Variants in NKAIN2 observed in about 807,000 individuals in gnomAD.
NKAIN2 encodes sodium/potassium transporting ATPase interacting 2.
In NKAIN2, 14 loss-of-function variants were observed where a neutral mutation model predicts 32.6. The ratio of observed to expected loss-of-function variants is 0.43; its 90% confidence interval spans 0.28 to 0.67. The LOEUF is 0.67. NKAIN2 is among the 30% of genes least tolerant of loss of function. The pLI is 0.17. For synonymous variants in NKAIN2, 80 were observed against 87.2 expected (o/e 0.92, Z 0.46); for missense variants, 198 against 258.3 (o/e 0.77, Z 1.60).
chr6:124,737,301 C>T (rs1014961565), intron 4 of NKAIN2, among the ~76,000 whole-genome samples: 2 of 151,840 alleles, frequency 1.3e-5, no homozygotes, highest in African/African-American at 4.8e-5. Context: ...TGAGTTCTCA[C>T]AAGATTTGAT....
chr6:124,454,106 T>TTTGG (rs1491320529), intron 3 of NKAIN2, among the ~76,000 whole-genome samples: 10 of 60,718 alleles, frequency 1.6e-4, no homozygotes, highest in African/African-American at 2.7e-4. Flanking sequence ...GTTTTTTTTT[T>TTTGG]GGGGGGGGGG....
At chr6:124,515,511 G>A (rs953024080) in intron 3 of NKAIN2, among the ~76,000 whole-genome samples, 4 of 151,774 alleles carry the variant, frequency 2.6e-5, no homozygotes, top group Non-Finnish European at 5.9e-5. Context: ...ACCAACTCTC[G>A]GATGATTCAT....
intron 4 of NKAIN2, among the ~76,000 whole-genome samples, chr6:124,696,698 G>T (rs1433641147): frequency 1.3e-5 from 2 of 151,172 alleles, no homozygotes; most frequent in Non-Finnish European, 2.9e-5. Context: ...GTCTTCTTGA[G>T]AATCAAACCC....
At chr6:123,821,309 C>A (rs1329426092) in intron 1 of NKAIN2, among the ~76,000 whole-genome samples, 1 of 152,130 alleles carries the variant, frequency 6.6e-6, no homozygotes, top group Non-Finnish European at 1.5e-5. Context: ...TTAGATCAGG[C>A]ATCTTATTTT....
At chr6:124,195,715 C>T (rs1790281878) in intron 1 of NKAIN2, among the ~76,000 whole-genome samples, 2 of 152,078 alleles carry the variant, frequency 1.3e-5, no homozygotes, top group Non-Finnish European at 1.5e-5. Context: ...TCCATGATCT[C>T]AAAAAGCTGT....
chr6:124,500,927 T>C (rs1239419746), intron 3 of NKAIN2, among the ~76,000 whole-genome samples: 1 of 151,996 alleles, frequency 6.6e-6, no homozygotes, highest in Non-Finnish European at 1.5e-5. Flanking sequence ...GAGGTTGAAT[T>C]TGAGTATGCC....
At chr6:124,152,718 T>C (rs1461981438) in intron 1 of NKAIN2, among the ~76,000 whole-genome samples, 1 of 151,934 alleles carries the variant, frequency 6.6e-6, no homozygotes, top group East Asian at 1.9e-4. Flanking sequence ...ACTCTTGTGT[T>C]TGAGTACTTC....
At chr6:123,937,387 C>A (rs1397606821) in intron 1 of NKAIN2, among the ~76,000 whole-genome samples, 1 of 152,006 alleles carries the variant, frequency 6.6e-6, no homozygotes, top group Non-Finnish European at 1.5e-5. Flanking sequence ...TATCTCTATG[C>A]CAAGTACAGT....
intron 1 of NKAIN2, among the ~76,000 whole-genome samples, chr6:124,259,895 A>G (rs755183465): frequency 6.6e-6 from 1 of 152,174 alleles, no homozygotes; most frequent in Non-Finnish European, 1.5e-5. Context: ...TCTGTGAATA[A>G]GACACTCTAA....
intron 3 of NKAIN2, among the ~76,000 whole-genome samples, chr6:124,503,657 A>T (rs1359086144): frequency 2.0e-5 from 3 of 152,132 alleles, no homozygotes; most frequent in Non-Finnish European, 4.4e-5. Context: ...CAATAGGCAG[A>T]TATTTACCAA....
At chr6:124,699,042 A>G (rs1257250407) in intron 4 of NKAIN2, among the ~76,000 whole-genome samples, 1 of 152,186 alleles carries the variant, frequency 6.6e-6, no homozygotes, top group Non-Finnish European at 1.5e-5. Context: ...TGTCTATAAA[A>G]TGAGATTGCA....
At chr6:124,543,525 C>G (rs1028772081) in intron 3 of NKAIN2, among the ~76,000 whole-genome samples, 3 of 152,010 alleles carry the variant, frequency 2.0e-5, no homozygotes, top group Admixed American at 6.6e-5. Context: ...TTACCATTGA[C>G]TAGTGTTAAA....
At chr6:123,943,419 G>T (rs1776914378) in intron 1 of NKAIN2, among the ~76,000 whole-genome samples, 1 of 152,000 alleles carries the variant, frequency 6.6e-6, no homozygotes, top group African/African-American at 2.4e-5. Context: ...GCAAAGATAT[G>T]ATAAAATCAT....
At chr6:124,336,474 G>A (rs762000100) in intron 2 of NKAIN2, among the ~76,000 whole-genome samples, 2 of 152,084 alleles carry the variant, frequency 1.3e-5, no homozygotes, top group Non-Finnish European at 2.9e-5. Flanking sequence ...TGTCTAATGT[G>A]TTACTTTGTG....
intron 1 of NKAIN2, among the ~76,000 whole-genome samples, chr6:123,875,043 G>C (rs1056363764): frequency 6.6e-6 from 1 of 151,896 alleles, no homozygotes; most frequent in Admixed American, 6.6e-5. Flanking sequence ...TATTATAGGT[G>C]CATTGGAAAA....
intron 3 of NKAIN2, among the ~76,000 whole-genome samples, chr6:124,548,547 G>A (rs1311726076): frequency 1.3e-5 from 2 of 152,166 alleles, no homozygotes; most frequent in African/African-American, 4.8e-5. Context: ...AGAAAACTAG[G>A]ATCCTTCAGG....
At chr6:124,818,995 A>C (rs1027479747) in intron 6 of NKAIN2, 1 of 169,728 alleles carries the variant, frequency 5.9e-6, no homozygotes, top group African/African-American at 2.4e-5. Flanking sequence ...AATGAACTGG[A>C]ACATTAACAC....
intron 1 of NKAIN2, among the ~76,000 whole-genome samples, chr6:123,818,354 A>AAC (rs36066775): frequency 0.06 from 8,684 of 144,458 alleles, 279 homozygotes; most frequent in Non-Finnish European, 0.072. Context: ...TTCTTGTGGA[A>AAC]ACACACACAC....
chr6:124,182,864 G>A (rs956008413), intron 1 of NKAIN2, among the ~76,000 whole-genome samples: 1 of 152,074 alleles, frequency 6.6e-6, no homozygotes, highest in African/African-American at 2.4e-5. Flanking sequence ...ACATACAGAT[G>A]AGAAGTCTGA....
Sources: allele counts gnomAD v4.1 joint callset (sites outside exome capture counted in the v4.1 genomes callset), GRCh38; gene constraint gnomAD v4.1.1; transcripts MANE v1.5; gene names NCBI Gene and HGNC (gene_info 2026-07-23, HGNC 2026-07-21).